BRF1: variants seen among roughly 807,000 people sequenced by gnomAD.
The protein encoded by BRF1 is BRF1 general transcription factor IIIB subunit.
In BRF1, 59 loss-of-function variants were observed where a neutral mutation model predicts 81.7. The ratio of observed to expected loss-of-function variants is 0.72; its 90% CI spans 0.59 to 0.90. The LOEUF (loss-of-function observed/expected upper bound fraction) is 0.90. Ranked by LOEUF, BRF1 falls within the 40% of genes least tolerant of loss-of-function variation. The pLI, the probability that BRF1 is intolerant of heterozygous loss-of-function variation, is 0.00. For synonymous variants in BRF1, 491 were observed against 395.6 expected (o/e 1.24, Z -2.86); for missense variants, 1,050 against 936.3 (o/e 1.12, Z -1.58).
rs587612094 is a variant in BRF1, at chr14:105,296,170, T to C, written c.184+4276A>G. ...GCTCACACCTGTAATCCCAGCACTTTGGGAGGCCAAGGCGGGTGGATCGCC... is the reference window on the plus strand; with the variant it reads ...GCTCACACCTGTAATCCCAGCACTTCGGGAGGCCAAGGCGGGTGGATCGCC... On this transcript the variant is annotated intron_variant, in intron 1 of 17. Coordinates refer to ENST00000547530, the MANE Select transcript of BRF1 (RefSeq NM_001519.4). Among the ~76,000 whole-genome samples, 15 of 151,762 alleles carry C rather than the reference T, an allele frequency of 9.9e-5. No homozygotes were observed. The South Asian group carries it at 2.9e-3, about 30-fold the overall frequency.
chr14:105,212,002 G>A (rs778036800), intron 16 of BRF1, 111 bp downstream of exon 16: 12 of 1,462,434 alleles, frequency 8.2e-6, no homozygotes, highest in South Asian at 1.2e-5. Context: ...GCAGGGGCAG[G>A]CGCCTCTGTC....
intron 1 of BRF1, among the ~76,000 whole-genome samples, chr14:105,287,100 C>T (rs1396043579): frequency 6.6e-6 from 1 of 152,242 alleles, no homozygotes; most frequent in East Asian, 1.9e-4. Flanking sequence ...GGGGAGGCTG[C>T]AGCTGAACCT....
intron 5 of BRF1, among the ~76,000 whole-genome samples, chr14:105,244,997 C>T (rs1297288968): frequency 2.0e-5 from 3 of 152,058 alleles, no homozygotes; most frequent in Non-Finnish European, 2.9e-5. Context: ...CCCTCACCTC[C>T]AAACGCTGTT....
chr14:105,241,228 A>C (rs587641919), intron 6 of BRF1, 37 bp downstream of exon 6: 1 of 1,604,202 alleles, frequency 6.2e-7, no homozygotes, highest in South Asian at 1.1e-5. Flanking sequence ...GCCAGGACCC[A>C]GACCAGCATC....
chr14:105,285,079 C>A (rs587646851), intron 2 of BRF1, among the ~76,000 whole-genome samples: 1 of 152,148 alleles, frequency 6.6e-6, no homozygotes. Context: ...ACTGTTTAGG[C>A]GGCAGTGTTC....
intron 10 of BRF1, among the ~76,000 whole-genome samples, chr14:105,224,946 T>C (rs901605662): frequency 6.6e-6 from 1 of 152,246 alleles, no homozygotes; most frequent in Admixed American, 6.5e-5. Flanking sequence ...GAATGGCTCC[T>C]TGGGGGAAAG....
chr14:105,274,767 C>T (rs1339582184), intron 2 of BRF1, among the ~76,000 whole-genome samples: 1 of 152,218 alleles, frequency 6.6e-6, no homozygotes, highest in Non-Finnish European at 1.5e-5. Context: ...CCTCACTGCC[C>T]CCACTTCTGT....
chr14:105,315,501 C>T (rs1028734546), upstream of BRF1: 9 of 152,270 alleles, frequency 5.9e-5, no homozygotes, highest in African/African-American at 2.2e-4. This position sits in a 1 kb window ranked among gnomAD's most constrained non-coding sequence, Gnocchi z 4.4. Context: ...ATCCTCCGTC[C>T]AGCGCGCGGT....
At chr14:105,295,185 C>T (rs587759690) in intron 1 of BRF1, among the ~76,000 whole-genome samples, 16 of 151,732 alleles carry the variant, frequency 1.1e-4, no homozygotes, top group South Asian at 6.2e-4. Context: ...GAACATCCGG[C>T]GCTGAGCAAA....
intron 5 of BRF1, chr14:105,248,847 GC>G: frequency 4.0e-6 from 4 of 990,400 alleles, no homozygotes; most frequent in Non-Finnish European, 2.4e-6. Flanking sequence ...CGCCGAGGCT[GC>G]CCCCGCCGCC....
chr14:105,221,197 C>A (rs587634048), intron 11 of BRF1, among the ~76,000 whole-genome samples: 17 of 152,296 alleles, frequency 1.1e-4, no homozygotes, highest in African/African-American at 4.1e-4. Context: ...GCCAAATGGG[C>A]AAGGTGAGGG....
Position 105,314,976 on chromosome 14 carries a change from G to A in BRF1, c.-162+346C>T, listed in dbSNP as rs2058502984. ...CGCGCCCGGCGCGCTCAACACGCCCGTGCCCATGAACCTGTTCGCCACCTG... is the reference window on the plus strand; with the variant it reads ...CGCGCCCGGCGCGCTCAACACGCCCATGCCCATGAACCTGTTCGCCACCTG... On this transcript the variant is annotated intron_variant, in intron 1 of 17. Coordinates refer to the BRF1 transcript ENST00000327359. The A allele has an allele frequency of 5.6e-6, 7 of 1,242,934 alleles. No homozygotes were observed. The highest frequency in any genetic ancestry group is 1.6e-5 in the African/African-American group (1 of 62,168). 77.0% of individuals were successfully genotyped at this position (1,242,934 alleles called of 1,614,324 possible). A position where few individuals can be genotyped will look rare whatever the true frequency, so the allele number is the denominator to read the frequency against.
intron 3 of BRF1, among the ~76,000 whole-genome samples, chr14:105,260,448 T>C (rs1479272256): frequency 6.6e-6 from 1 of 152,022 alleles, no homozygotes; most frequent in Non-Finnish European, 1.5e-5. Context: ...CTTGGATCAC[T>C]ACAACCTCTG....
At chr14:105,217,052 T>C (rs1891445268) in intron 15 of BRF1, among the ~76,000 whole-genome samples, 1 of 152,220 alleles carries the variant, frequency 6.6e-6, no homozygotes, top group Non-Finnish European at 1.5e-5. Context: ...CAGAGCCTCG[T>C]GACCCTGTGC....
chr14:105,283,190 G>A (rs1046448185), intron 2 of BRF1, among the ~76,000 whole-genome samples: 3 of 152,174 alleles, frequency 2.0e-5, no homozygotes, highest in African/African-American at 7.2e-5. Flanking sequence ...CTGACTGGCA[G>A]CAAAAGGGAC....
At chr14:105,288,941 T>G (rs370896975) in intron 1 of BRF1, among the ~76,000 whole-genome samples, 5 of 149,256 alleles carry the variant, frequency 3.3e-5, no homozygotes, top group African/African-American at 4.9e-5. Context: ...GAGGCTGAGG[T>G]TGGAGGATCA....
chr14:105,287,805 A>T (rs958729444), intron 1 of BRF1, among the ~76,000 whole-genome samples: 2 of 152,236 alleles, frequency 1.3e-5, no homozygotes, highest in African/African-American at 4.8e-5. Flanking sequence ...TGGAAGCAAA[A>T]AGGAATTAGA....
intron 1 of BRF1, chr14:105,314,952 G>A: frequency 8.5e-7 from 1 of 1,179,876 alleles, no homozygotes; most frequent in Non-Finnish European, 1.1e-6. Flanking sequence ...CCTCCCCGGC[G>A]CGCCCGGCGC....
chr14:105,211,140 G>A lies in BRF1; in HGVS notation c.1978C>T (p.Gln660Ter), dbSNP rs1890051543. The A allele has an allele frequency of 6.2e-7, 1 of 1,612,600 alleles. No individual in the cohort carries two copies. Among genetic ancestry groups the A allele is most frequent in the Non-Finnish European group, 8.5e-7 (1 of 1,179,942 alleles). ...CACCCACCGTTGCTGCCCATCATCT[G>A]CAGGGCACTGACGCAGGGCTCCCCG... is the stretch of plus-strand genomic sequence containing the variant. ...EDGEPCVSAL[Q>*]MMGSNDYGCD... Residue 660 changes from glutamine (Q) to a stop codon, truncating the protein, a stop_gained, in exon 17 of 18, where the codon CAG becomes TAG. Transcript: ENST00000547530. LOFTEE classifies it high-confidence loss of function.
Sources: allele counts gnomAD v4.1 joint callset (sites outside exome capture counted in the v4.1 genomes callset), GRCh38; gene constraint gnomAD v4.1.1; non-coding constraint Gnocchi (gnomAD v3.1); transcripts MANE v1.5; gene names NCBI Gene and HGNC (gene_info 2026-07-23, HGNC 2026-07-21).